The following TAFA1 variants were observed in gnomAD, a reference collection of about 807,000 sequenced individuals.
TAFA1 encodes the protein chemokine-like protein TAFA-1.
A neutral mutation model predicts 18.5 loss-of-function variants in TAFA1; 4 were observed. The observed-to-expected ratio is 0.22, with a 90% confidence interval of 0.11 to 0.49. The LOEUF (loss-of-function observed/expected upper bound fraction) is 0.49. Ranked by LOEUF, TAFA1 falls within the 20% of genes least tolerant of loss-of-function variation. The pLI, the probability that TAFA1 is intolerant of heterozygous loss-of-function variation, is 0.98. For missense variants in TAFA1, 147 were observed against 169.0 expected, an observed-to-expected ratio of 0.87 and a Z score of 0.72; for synonymous variants, 56 against 55.2, an observed-to-expected ratio of 1.01 and a Z score of -0.06.
chr3:68,297,786 A>G lies in TAFA1; in HGVS notation c.119-119494A>G, dbSNP rs368648293. Reference sequence around the variant, plus strand: ...TCTTCTGTATTAAGAATATTTCTATATGTTCATATTCCTTCTTTTGCTTTC... The same window carrying G: ...TCTTCTGTATTAAGAATATTTCTATGTGTTCATATTCCTTCTTTTGCTTTC... On this transcript the variant is annotated intron_variant, in intron 2 of 4. Coordinates refer to ENST00000478136, the MANE Select transcript of TAFA1 (RefSeq NM_213609.4). 4.6e-5 allele frequency among the ~76,000 whole-genome samples: 7 copies of G among 151,386 alleles called. No homozygotes were observed. The East Asian group carries it at 5.8e-4, about 13-fold the overall frequency.
chr3:68,211,849 T>C (rs1248813266), intron 2 of TAFA1, among the ~76,000 whole-genome samples: 1 of 151,998 alleles, frequency 6.6e-6, no homozygotes, highest in Non-Finnish European at 1.5e-5. Context: ...ACTCTGGCCA[T>C]TGTTCACAGT....
chr3:68,099,240 T>C (rs2106813542), intron 2 of TAFA1, among the ~76,000 whole-genome samples: 1 of 152,266 alleles, frequency 6.6e-6, no homozygotes, highest in African/African-American at 2.4e-5. Flanking sequence ...GGGGATAAAG[T>C]ATTCACAAAC....
intron 2 of TAFA1, among the ~76,000 whole-genome samples, chr3:68,379,553 C>T (rs1272696424): frequency 6.6e-6 from 1 of 152,134 alleles, no homozygotes; most frequent in Non-Finnish European, 1.5e-5. Context: ...GCATCTACAT[C>T]ATGAAATCTT....
rs1553682580 is a variant in TAFA1, at chr3:68,370,506, A to ATG, written c.119-46773_119-46772insGT. Among the ~76,000 whole-genome samples the ATG allele has an allele frequency of 1.5e-4, 11 of 75,106 alleles. 2 individuals are homozygous for ATG. The highest frequency in any genetic ancestry group is 4.2e-4 in the African/African-American group (9 of 21,254). The allele number at this position is 75,106 out of a possible 152,430, so 49.3% of individuals were successfully genotyped here. The stretch of plus-strand genomic sequence containing the variant: ...TATATATATATATATATATATATAT[A>ATG]TATATATATACCCACATATGTATTT... On this transcript the variant is annotated intron_variant, in intron 2 of 4. Transcript: ENST00000478136.
intron 2 of TAFA1, among the ~76,000 whole-genome samples, chr3:68,268,000 T>C (rs370499587): frequency 4.9e-4 from 74 of 152,306 alleles, no homozygotes; most frequent in African/African-American, 1.5e-3. Context: ...AGAAGAGCTA[T>C]AGTCTCTTGC....
At chr3:68,267,607 T>A (rs2067572857) in intron 2 of TAFA1, among the ~76,000 whole-genome samples, 1 of 152,184 alleles carries the variant, frequency 6.6e-6, no homozygotes, top group Non-Finnish European at 1.5e-5. Flanking sequence ...AAAAGATAAC[T>A]GATTATGTTG....
chr3:68,378,650 C>A (rs2069867830), intron 2 of TAFA1, among the ~76,000 whole-genome samples: 2 of 152,056 alleles, frequency 1.3e-5, no homozygotes, highest in African/African-American at 2.4e-5. Context: ...GGTCTAAGAG[C>A]AGGATGGTAT....
chr3:68,160,153 G>T (rs2065908816), intron 2 of TAFA1, among the ~76,000 whole-genome samples: 1 of 152,164 alleles, frequency 6.6e-6, no homozygotes, highest in African/African-American at 2.4e-5. Flanking sequence ...AACTGTGACT[G>T]GAATAAATGA....
intron 3 of TAFA1, among the ~76,000 whole-genome samples, chr3:68,472,528 AC>A (rs2072018864): frequency 9.9e-5 from 15 of 152,146 alleles, no homozygotes; most frequent in African/African-American, 2.7e-4. Context: ...ACACACACAC[AC>A]ACACAAATAC....
intron 2 of TAFA1, among the ~76,000 whole-genome samples, chr3:68,364,991 T>A (rs573257857): frequency 6.6e-6 from 1 of 152,196 alleles, no homozygotes; most frequent in African/African-American, 2.4e-5. Flanking sequence ...AAGGTGATAA[T>A]CGGCTTGTCT....
chr3:68,171,464 G>C (rs2066052507), intron 2 of TAFA1, among the ~76,000 whole-genome samples: 1 of 152,116 alleles, frequency 6.6e-6, no homozygotes, highest in African/African-American at 2.4e-5. Context: ...TTGGTGATTT[G>C]TTTCACAGCA....
intron 3 of TAFA1, among the ~76,000 whole-genome samples, chr3:68,468,358 T>G (rs576876751): frequency 1.9e-4 from 29 of 152,348 alleles, no homozygotes; most frequent in African/African-American, 6.5e-4. Flanking sequence ...GAACATACTT[T>G]TCTTTCAATC....
intron 2 of TAFA1, among the ~76,000 whole-genome samples, chr3:68,082,285 C>A (rs529258947): frequency 2.1e-4 from 32 of 152,244 alleles, no homozygotes; most frequent in Non-Finnish European, 4.0e-4. Flanking sequence ...GCGTCGCTCA[C>A]GCTGGGAGCT....
At chr3:68,419,923 C>T (rs998906438) in intron 3 of TAFA1, among the ~76,000 whole-genome samples, 18 of 152,116 alleles carry the variant, frequency 1.2e-4, no homozygotes, top group African/African-American at 2.4e-4. Context: ...TCTTTGTTCA[C>T]GGAACATACT....
At chr3:68,073,493 T>C (rs1559726638) in intron 2 of TAFA1, among the ~76,000 whole-genome samples, 1 of 152,328 alleles carries the variant, frequency 6.6e-6, no homozygotes, top group East Asian at 1.9e-4. Flanking sequence ...AAAGGGAACA[T>C]AAACATAAGA....
rs1575880560 is a variant in TAFA1 at position 68,453,129 on chromosome 3, G to A, written c.259+35709G>A. 3.3e-5 allele frequency among the ~76,000 whole-genome samples: 5 copies of A among 152,176 alleles called. No individual in the cohort carries two copies. In the South Asian group the frequency reaches 8.3e-4, roughly 25 times the overall value. On this transcript the variant is annotated intron_variant, in intron 3 of 4. Transcript: ENST00000478136. The stretch of plus-strand genomic sequence containing the variant: ...AGAGACATAAGCGCTTACTAACCTC[G>A]AGAGTCACCCGACTCCAGATTTTTG...
At chr3:68,504,740 C>T (rs1052944095) in intron 3 of TAFA1, among the ~76,000 whole-genome samples, 4 of 151,992 alleles carry the variant, frequency 2.6e-5, no homozygotes, top group East Asian at 3.9e-4. Flanking sequence ...TAAAATATTC[C>T]CCATCTGCAG....
chr3:68,293,617 G>C (rs896491916), intron 2 of TAFA1, among the ~76,000 whole-genome samples: 2 of 152,194 alleles, frequency 1.3e-5, no homozygotes, highest in East Asian at 3.8e-4. Context: ...GAATTAATGA[G>C]ATATTGCATA....
upstream of TAFA1, among the ~76,000 whole-genome samples, chr3:68,003,199 G>C (rs1261251139): frequency 1.3e-5 from 2 of 152,162 alleles, no homozygotes; most frequent in Non-Finnish European, 2.9e-5. Flanking sequence ...AGACCAATTG[G>C]CAAGACTGAC....
Sources: gnomAD v4.1 joint callset for allele counts (sites outside exome capture counted in the v4.1 genomes callset) on GRCh38, gnomAD v4.1.1 for gene constraint, MANE v1.5 for transcripts, NCBI Gene and HGNC (gene_info 2026-07-23, HGNC 2026-07-21) for gene names.